The following CENPC variants were observed in gnomAD, a reference collection of about 807,000 sequenced individuals.
CENPC encodes CENP-C 1.
CENPC carries 63 observed loss-of-function variants against 112.1 expected under a neutral mutation model. The observed-to-expected ratio is 0.56, with a 90% CI of 0.46 to 0.69. The LOEUF (loss-of-function observed/expected upper bound fraction) is 0.69, where lower values mean the gene tolerates loss of function less well. CENPC is among the 30% of genes least tolerant of loss of function. The pLI is 0.00. For missense variants in CENPC, 1,000 were observed against 1,103.8 expected (o/e 0.91, Z 1.33); for synonymous variants, 333 against 367.6 (o/e 0.91, Z 1.08).
In CENPC at chr4:67,535,825, TG is replaced by T. The variant is rs916468880; in HGVS notation, c.231+4014del. ...AAAGCCAATAAATAATAGCAAAGAC[TG>T]GGAAAAAAAATCAAGAAACAGCAAT... On this transcript the variant is annotated intron_variant, in intron 4 of 18. Coordinates refer to ENST00000273853, the MANE Select transcript of CENPC (RefSeq NM_001812.4). Among the ~76,000 whole-genome samples the T allele has an allele frequency of 3.3e-4, 50 of 151,940 alleles. 1 individual carries two copies. The highest frequency in any genetic ancestry group is 1.1e-3 in the African/African-American group (46 of 41,464).
chr4:67,505,358 A>AT, intron 11 of CENPC, 74 bp from the exon 12 acceptor site: 1 of 866,412 alleles, frequency 1.2e-6, no homozygotes, highest in Non-Finnish European at 1.8e-6. Flanking sequence ...CTTAATGATC[A>AT]TTTTTCTCCT....
intron 5 of CENPC, among the ~76,000 whole-genome samples, chr4:67,524,216 G>T (rs1028030831): frequency 1.4e-4 from 22 of 152,070 alleles, no homozygotes; most frequent in Admixed American, 9.8e-4. Flanking sequence ...TGTCACAATA[G>T]ATTTTGCAGC....
At chr4:67,512,755 T>C (rs9992020) in intron 8 of CENPC, among the ~76,000 whole-genome samples, 186 bp from the exon 9 acceptor site, 32,921 of 151,944 alleles carry the variant, frequency 0.22, 3,608 homozygotes, top group South Asian at 0.27. Flanking sequence ...AAGTAAGCAC[T>C]AACTTCCTAT....
At position 67,530,926 on chromosome 4, in the gene CENPC, A is replaced by C. The variant is rs554947371; in HGVS notation, c.232-12T>G. ...TGTGATTTCTGGCACTGAGCACAGA[A>C]GAAATACAACATTAGAACTATTTTA... On this transcript the variant is annotated splice_polypyrimidine_tract_variant and intron_variant, in intron 4 of 18. Coordinates refer to ENST00000273853, the MANE Select transcript of CENPC (RefSeq NM_001812.4). 4.2e-6 allele frequency: 6 copies of C among 1,414,610 alleles called. No individual in the cohort carries two copies. The South Asian group carries it at 7.4e-5, about 18-fold the overall frequency. The allele number at this position is 1,414,610 out of a possible 1,614,324, so 87.6% of individuals were successfully genotyped here. A position where few individuals can be genotyped will look rare whatever the true frequency, so the allele number is the denominator to read the frequency against.
chr4:67,509,468 T>C (rs750019960), intron 9 of CENPC, among the ~76,000 whole-genome samples: 2 of 152,142 alleles, frequency 1.3e-5, no homozygotes, highest in South Asian at 2.1e-4. Context: ...GACGGACTTA[T>C]CTACCCAGAG....
chr4:67,530,922 C>G lies in CENPC; in HGVS notation c.232-8G>C. 1.4e-6 allele frequency: 2 copies of G among 1,456,102 alleles called. No individual in the cohort carries two copies. Among genetic ancestry groups the G allele is most frequent in the Non-Finnish European group, 1.9e-6 (2 of 1,052,764 alleles). The allele number at this position is 1,456,102 out of a possible 1,614,324, so 90.2% of individuals were successfully genotyped here. A position where few individuals can be genotyped will look rare whatever the true frequency, so the allele number is the denominator to read the frequency against. ...TGGATGTGATTTCTGGCACTGAGCA[C>G]AGAAGAAATACAACATTAGAACTAT... is the stretch of plus-strand genomic sequence containing the variant. On this transcript the variant is annotated splice_polypyrimidine_tract_variant and splice_region_variant and intron_variant, in intron 4 of 18. Coordinates refer to ENST00000273853, the MANE Select transcript of CENPC (RefSeq NM_001812.4).
At chr4:67,530,471 T>G (rs1218055145) in intron 5 of CENPC, among the ~76,000 whole-genome samples, 1 of 152,094 alleles carries the variant, frequency 6.6e-6, no homozygotes, top group Non-Finnish European at 1.5e-5. Context: ...ACAGAACTAT[T>G]TAAAGGCTAC....
At chr4:67,522,741 T>C (rs1310652696) in intron 5 of CENPC, among the ~76,000 whole-genome samples, 1 of 152,196 alleles carries the variant, frequency 6.6e-6, no homozygotes, top group Non-Finnish European at 1.5e-5. Context: ...GGCTCATGCC[T>C]GTAATCCCAG....
intron 4 of CENPC, among the ~76,000 whole-genome samples, chr4:67,535,943 T>C (rs1726706470): frequency 6.6e-6 from 1 of 152,192 alleles, no homozygotes; most frequent in Admixed American, 6.5e-5. Flanking sequence ...TGGGGTCTAC[T>C]ATTTTTTTGT....
rs1725324376 is a variant in CENPC at position 67,492,947 on chromosome 4, T to A, written c.2341A>T (p.Arg781Trp). 2 of 1,556,898 alleles carry A rather than the reference T, an allele frequency of 1.3e-6. No individual in the cohort carries two copies. The highest frequency in any genetic ancestry group is 4.7e-5 in the East Asian group (2 of 42,538). Residue 781 changes from arginine (R) to tryptophan (W), a missense_variant, in exon 15 of 19, where the codon AGG (arginine) becomes TGG (tryptophan). Physicochemically the swap from Arg to Trp is moderately radical, Grantham distance 101 (BLOSUM62 -3). Transcript: ENST00000273853. ...TTTCCAATATTTTCTTTTGCCTTCC[T>A]TTTAGACGATATTGTGTCTGGAGAT... is the stretch of plus-strand genomic sequence containing the variant. ...VLSPDTISSK[R>W]KAKENIGKVN...
At chr4:67,518,017 C>A in intron 7 of CENPC, 139 bp downstream of exon 7, 1 of 508,902 alleles carries the variant, frequency 2.0e-6, no homozygotes, top group Non-Finnish European at 3.4e-6. Flanking sequence ...TCTCTCCTTA[C>A]AGGTCAGAAA....
At chr4:67,509,555 T>C (rs1725838159) in intron 9 of CENPC, among the ~76,000 whole-genome samples, 1 of 152,140 alleles carries the variant, frequency 6.6e-6, no homozygotes, top group African/African-American at 2.4e-5. Context: ...TCTTGCTTTA[T>C]TTCCTATCTT....
chr4:67,543,130 T>C (rs969185082), intron 2 of CENPC, among the ~76,000 whole-genome samples: 6 of 152,142 alleles, frequency 3.9e-5, no homozygotes, highest in African/African-American at 7.2e-5. Context: ...CCACAGAAGA[T>C]TTAGGAGAGC....
At chr4:67,486,314 T>C (rs1377921922) in intron 17 of CENPC, among the ~76,000 whole-genome samples, 2 of 152,220 alleles carry the variant, frequency 1.3e-5, no homozygotes, top group African/African-American at 4.8e-5. Flanking sequence ...ATAATTCATC[T>C]GCAAATATTT....
chr4:67,474,820 G>C (rs1418999925), intron 18 of CENPC, 68 bp downstream of exon 18: 1 of 850,964 alleles, frequency 1.2e-6, no homozygotes, highest in African/African-American at 1.7e-5. Flanking sequence ...TGACCACTGT[G>C]GCTTCCATTT....
At chr4:67,544,852 A>C (rs1212064791) in intron 1 of CENPC, among the ~76,000 whole-genome samples, 1 of 152,214 alleles carries the variant, frequency 6.6e-6, no homozygotes. Flanking sequence ...AATTATTTCG[A>C]GACGTACTTG....
At chr4:67,492,630 T>G in intron 15 of CENPC, 1 of 596,602 alleles carries the variant, frequency 1.7e-6, no homozygotes. Context: ...AATGGTGGGT[T>G]TCATTTGACT....
chr4:67,481,159 T>C (rs1250207426), intron 17 of CENPC, among the ~76,000 whole-genome samples: 1 of 152,138 alleles, frequency 6.6e-6, no homozygotes, highest in African/African-American at 2.4e-5. Context: ...GCGACCAAGC[T>C]GAGAAACAAA....
At chr4:67,473,796 C>G (rs1324937386) in intron 18 of CENPC, among the ~76,000 whole-genome samples, 2 of 152,160 alleles carry the variant, frequency 1.3e-5, no homozygotes, top group African/African-American at 4.8e-5. Flanking sequence ...AAGCCCTCCT[C>G]AGCCTCTCAA....
Sources: allele counts gnomAD v4.1 joint callset (sites outside exome capture counted in the v4.1 genomes callset), GRCh38; gene constraint gnomAD v4.1.1; transcripts MANE v1.5; gene names NCBI Gene and HGNC (gene_info 2026-07-23, HGNC 2026-07-21).